Variants in TLL2 observed in about 807,000 individuals in gnomAD.
TLL2 encodes the protein tolloid-like protein 2.
TLL2 carries 106 observed loss-of-function variants against 123.0 expected under a neutral mutation model. That is an observed-to-expected ratio of 0.86 (90% confidence interval 0.74 to 1.01). TLL2 has a LOEUF of 1.01. Among genes scored for constraint, TLL2 ranks in the 50% least tolerant of loss-of-function variants. TLL2 has a pLI of 0.00. For synonymous variants in TLL2, 494 were observed against 516.8 expected, an observed-to-expected ratio of 0.96 and a Z score of 0.60; for missense variants, 1,332 against 1,336.7, an observed-to-expected ratio of 1.00 and a Z score of 0.06.
intron 4 of TLL2, 82 bp downstream of exon 4, chr10:96,432,725 C>T (rs1017627329): frequency 2.4e-5 from 36 of 1,531,466 alleles, no homozygotes; most frequent in African/African-American, 1.8e-4. Context: ...CCATCCCACC[C>T]GGGTCCTTCC....
intron 1 of TLL2, among the ~76,000 whole-genome samples, chr10:96,500,120 AGAAAAAG>A (rs1847519666): frequency 1.5e-5 from 2 of 136,966 alleles, no homozygotes; most frequent in Non-Finnish European, 3.1e-5. Flanking sequence ...AAAAAAAAAA[AGAAAAAG>A]AAAAAAAAAT....
rs530847404 is a variant in TLL2, at chr10:96,469,402, GGAA to G, written c.286+10944_286+10946del. On this transcript the variant is annotated intron_variant, in intron 2 of 20. Transcript: ENST00000357947. ...CCTTGTTCTTTTGAGCTCCCAGCATGGAAGAAGAAGCCTGCTTACAGCCTTTCT... is the reference window on the plus strand; with the variant it reads ...CCTTGTTCTTTTGAGCTCCCAGCATGGAAGAAGCCTGCTTACAGCCTTTCT... Among the ~76,000 whole-genome samples the G allele has an allele frequency of 1.7e-3, 259 of 152,332 alleles. 1 individual carries two copies. Among genetic ancestry groups the G allele is most frequent in the African/African-American group, 4.5e-3 (189 of 41,566 alleles).
chr10:96,366,750 C>T lies in TLL2; in HGVS notation c.*1338G>A, dbSNP rs1252489232. The stretch of plus-strand genomic sequence containing the variant: ...CGCCCTGCGTCCAACAACAACCAAA[C>T]AGGACTTACAGTTATGTAAACATTA... On this transcript the variant is annotated 3_prime_UTR_variant, in exon 21 of 21. Coordinates refer to ENST00000357947, the MANE Select transcript of TLL2 (RefSeq NM_012465.4). 1.3e-5 allele frequency: 2 copies of T among 152,578 alleles called. No individual in the cohort carries two copies. The highest frequency in any genetic ancestry group is 2.9e-5 in the Non-Finnish European group (2 of 68,046). The allele number at this position is 152,578 out of a possible 1,614,324, so 9.5% of individuals were successfully genotyped here. A position where few individuals can be genotyped will look rare whatever the true frequency, so the allele number is the denominator to read the frequency against.
chr10:96,411,658 C>T (rs1846508226), intron 8 of TLL2, among the ~76,000 whole-genome samples: 1 of 152,190 alleles, frequency 6.6e-6, no homozygotes, highest in Admixed American at 6.5e-5. Flanking sequence ...GCTGAGAGCC[C>T]CTCCTCTTAT....
intron 17 of TLL2, among the ~76,000 whole-genome samples, chr10:96,377,362 T>A (rs1381027083): frequency 6.6e-6 from 1 of 152,168 alleles, no homozygotes; most frequent in Admixed American, 6.5e-5. Flanking sequence ...GTGGCTTTAT[T>A]TGGAGTCTAC....
intron 1 of TLL2, among the ~76,000 whole-genome samples, chr10:96,494,201 G>A (rs929470025): frequency 3.3e-5 from 5 of 152,226 alleles, no homozygotes; most frequent in Admixed American, 6.5e-5. Flanking sequence ...AAGATTCCAA[G>A]AGTCTGGTGG....
intron 5 of TLL2, among the ~76,000 whole-genome samples, chr10:96,427,690 G>A (rs898322800): frequency 6.6e-6 from 1 of 152,102 alleles, no homozygotes; most frequent in African/African-American, 2.4e-5. Context: ...TTACCTGTAT[G>A]GCTTCTTTCC....
intron 3 of TLL2, among the ~76,000 whole-genome samples, chr10:96,438,439 G>A (rs931109923): frequency 2.0e-5 from 3 of 152,160 alleles, no homozygotes; most frequent in African/African-American, 7.2e-5. Context: ...ATAGAAATGT[G>A]AGCCATTATA....
chr10:96,458,378 C>T (rs547116476), intron 2 of TLL2, among the ~76,000 whole-genome samples: 10 of 151,758 alleles, frequency 6.6e-5, no homozygotes, highest in African/African-American at 2.2e-4. Flanking sequence ...CCTGAGGTCA[C>T]GAGTTCGAGA....
intron 16 of TLL2, among the ~76,000 whole-genome samples, chr10:96,383,060 T>G (rs1589407113): frequency 4.0e-5 from 5 of 125,182 alleles, no homozygotes; most frequent in East Asian, 2.3e-4. Flanking sequence ...GAGTAGAAGG[T>G]GATGGTGTGG....
chr10:96,495,319 G>A (rs1030530849), intron 1 of TLL2, among the ~76,000 whole-genome samples: 12 of 152,138 alleles, frequency 7.9e-5, no homozygotes, highest in South Asian at 2.1e-4. Flanking sequence ...AGTTTCCAGC[G>A]GAGGGATTTA....
intron 3 of TLL2, 102 bp from the exon 4 acceptor site, chr10:96,433,064 CA>C: frequency 6.7e-7 from 1 of 1,486,366 alleles, no homozygotes; most frequent in Non-Finnish European, 9.1e-7. Context: ...GGTGTTAAAA[CA>C]TGTTCCAAAG....
chr10:96,374,223 T>TC, intron 18 of TLL2: 2 of 209,848 alleles, frequency 9.5e-6, no homozygotes, highest in Non-Finnish European at 1.9e-5. Flanking sequence ...GTGCCCACTC[T>TC]GTCGGCAGCT....
chr10:96,419,020 G>T (rs897358296), intron 7 of TLL2, among the ~76,000 whole-genome samples: 1 of 151,970 alleles, frequency 6.6e-6, no homozygotes, highest in Non-Finnish European at 1.5e-5. Flanking sequence ...TGGATGATGG[G>T]GTGGGCCTTT....
intron 1 of TLL2, among the ~76,000 whole-genome samples, chr10:96,492,381 T>C (rs1812320): frequency 0.4 from 60,274 of 152,066 alleles, 12,398 homozygotes; most frequent in East Asian, 0.73. Context: ...CCCAGCACTT[T>C]GGGAGGCCGA....
chr10:96,476,013 C>T (rs903839003), intron 2 of TLL2, among the ~76,000 whole-genome samples: 2 of 151,768 alleles, frequency 1.3e-5, no homozygotes, highest in East Asian at 1.9e-4. Context: ...TCCCCAGCCA[C>T]GTGGAACAGT....
At chr10:96,493,619 G>A (rs925949275) in intron 1 of TLL2, among the ~76,000 whole-genome samples, 2 of 152,108 alleles carry the variant, frequency 1.3e-5, no homozygotes, top group African/African-American at 4.8e-5. Context: ...CTGAGAATTG[G>A]GGAACGGGAT....
chr10:96,379,024 G>C lies in TLL2; in HGVS notation c.2263C>G (p.Leu755Val). 1.2e-6 allele frequency: 2 copies of C among 1,614,224 alleles called. No homozygotes were observed. Among genetic ancestry groups the C allele is most frequent in the South Asian group, 2.2e-5 (2 of 91,082 alleles). The change falls in exon 17 of 21, where the codon CTG becomes GTG. Residue 755 changes from leucine (L) to valine (V), a missense_variant. Leu to Val is a conservative substitution (Grantham distance 32). Transcript: ENST00000357947. ...HECVNTFGSYLCRCRNGYWLH... is the reference protein window; with the variant it reads ...HECVNTFGSYVCRCRNGYWLH... ...CAGTAGCCGTTTCTGCACCTGCACA[G>C]GTAGCTCCCGAAGGTGTTGACGCAC... is the stretch of plus-strand genomic sequence containing the variant.
rs151335014 is a variant in TLL2, at chr10:96,395,326, C to A, written c.1587G>T (p.Thr529=). ...YDYLEVRDGP[T]EESALIGHFC... ...AGTGGCCGATCAGGGCACTCTCTTCCGTGGGGCCATCCCGGACTTCCAGGT... is the reference window on the plus strand; with the variant it reads ...AGTGGCCGATCAGGGCACTCTCTTCAGTGGGGCCATCCCGGACTTCCAGGT... Residue 529 remains threonine (T), a synonymous_variant, in exon 13 of 21, where the codon ACG becomes ACT. Coordinates refer to ENST00000357947, the MANE Select transcript of TLL2 (RefSeq NM_012465.4). The A allele has an allele frequency of 4.8e-5, 78 of 1,613,288 alleles. No homozygotes were observed. The highest frequency in any genetic ancestry group is 6.6e-5 in the Non-Finnish European group (78 of 1,179,764).
Sources: gnomAD v4.1 joint callset for allele counts (sites outside exome capture counted in the v4.1 genomes callset) on GRCh38, gnomAD v4.1.1 for gene constraint, MANE v1.5 for transcripts, NCBI Gene and HGNC (gene_info 2026-07-23, HGNC 2026-07-21) for gene names.